FBXL2: variants seen among roughly 807,000 people sequenced by gnomAD.
FBXL2 encodes the protein F-box and leucine rich repeat protein 2, also known as F-box/LRR-repeat protein 2.
FBXL2 carries 38 observed loss-of-function variants against 69.2 expected under a neutral mutation model. The observed-to-expected ratio is 0.55, with a 90% CI of 0.42 to 0.72. The LOEUF (loss-of-function observed/expected upper bound fraction) is 0.72. Among genes scored for constraint, FBXL2 ranks in the 30% least tolerant of loss-of-function variants. FBXL2 has a pLI of 0.00. For missense variants in FBXL2, 354 were observed against 520.3 expected (o/e 0.68, Z 3.11); for synonymous variants, 192 against 201.3 (o/e 0.95, Z 0.39).
intron 4 of FBXL2, among the ~76,000 whole-genome samples, chr3:33,362,730 AT>A (rs2041712395): frequency 6.6e-6 from 1 of 152,162 alleles, no homozygotes; most frequent in South Asian, 2.1e-4. Flanking sequence ...ATTTAAAAAA[AT>A]GTTACTAACT....
chr3:33,284,383 C>G (rs761684864), intron 1 of FBXL2, among the ~76,000 whole-genome samples: 5 of 152,146 alleles, frequency 3.3e-5, no homozygotes, highest in Admixed American at 1.3e-4. Context: ...ATCCTGAGTT[C>G]TAGTTTGATT....
At chr3:33,396,189 T>G in intron 12 of FBXL2, 1 of 1,593,714 alleles carries the variant, frequency 6.3e-7, no homozygotes, top group African/African-American at 1.3e-5. Flanking sequence ...CCATTCTCGC[T>G]TGCACTGCTT....
chr3:33,337,652 G>A lies in FBXL2; in HGVS notation c.66-21315G>A, dbSNP rs114585796. On this transcript the variant is annotated intron_variant, in intron 2 of 14. Coordinates refer to ENST00000484457, the MANE Select transcript of FBXL2 (RefSeq NM_012157.5). ...AAAGAAAGAAAGAAAAGGGATCCAGGTAGGAAGAAAGGAAGTCAAACTATC... is the reference window on the plus strand; with the variant it reads ...AAAGAAAGAAAGAAAAGGGATCCAGATAGGAAGAAAGGAAGTCAAACTATC... 7.2e-3 allele frequency among the ~76,000 whole-genome samples: 1,090 copies of A among 152,280 alleles called. 5 individuals are homozygous for A. The highest frequency in any genetic ancestry group is 0.014 in the South Asian group (67 of 4,828).
chr3:33,278,294 C>T (rs1172236558), intron 1 of FBXL2: 2 of 152,118 alleles, frequency 1.3e-5, no homozygotes, highest in Non-Finnish European at 2.9e-5. Flanking sequence ...AATTGCCAAC[C>T]GAAGGCATAA....
intron 2 of FBXL2, among the ~76,000 whole-genome samples, chr3:33,326,535 G>A (rs1363947133): frequency 2.7e-5 from 4 of 150,314 alleles, no homozygotes; most frequent in East Asian, 1.9e-4. Context: ...AGAAAATACC[G>A]CATAGAATTC....
intron 2 of FBXL2, among the ~76,000 whole-genome samples, chr3:33,322,138 C>A (rs560902895): frequency 2.3e-5 from 3 of 133,174 alleles, no homozygotes; most frequent in Non-Finnish European, 4.6e-5. Context: ...AGTGCAGTGG[C>A]GCCATCTTGG....
downstream of FBXL2, chr3:33,390,635 G>A: frequency 1.9e-6 from 1 of 516,738 alleles, no homozygotes; most frequent in Non-Finnish European, 3.5e-6. Context: ...GGGGGTAGGG[G>A]GACATCTATC....
At chr3:33,373,541 G>C (rs2042433898) in intron 7 of FBXL2, 37 bp from the exon 8 acceptor site, 2 of 1,613,848 alleles carry the variant, frequency 1.2e-6, no homozygotes, top group African/African-American at 1.3e-5. Context: ...CTCTACAGGA[G>C]AGACTGCACA....
Position 33,328,360 on chromosome 3 carries a change from A to T in FBXL2, c.66-30607A>T, listed in dbSNP as rs1413318388. 2.6e-5 allele frequency among the ~76,000 whole-genome samples: 4 copies of T among 152,300 alleles called. No individual in the cohort carries two copies. The South Asian group carries it at 8.3e-4, about 32-fold the overall frequency. ...GAAATAGAAAAAAATCCTAACATTT[A>T]TATGGACCCACAAAAGACTCCAAAT... On this transcript the variant is annotated intron_variant, in intron 2 of 14. Transcript: ENST00000484457.
chr3:33,330,391 A>G (rs1259781254), intron 2 of FBXL2, among the ~76,000 whole-genome samples: 1 of 152,180 alleles, frequency 6.6e-6, no homozygotes. Context: ...ATTAATGGGT[A>G]CAAATATACA....
At chr3:33,328,418 G>A (rs2038877553) in intron 2 of FBXL2, among the ~76,000 whole-genome samples, 1 of 152,048 alleles carries the variant, frequency 6.6e-6, no homozygotes, top group African/African-American at 2.4e-5. Context: ...AAACAAAACT[G>A]GAGGCATTAC....
intron 1 of FBXL2, 88 bp from the exon 2 acceptor site, chr3:33,297,576 G>A (rs939842604): frequency 2.2e-5 from 17 of 756,550 alleles, no homozygotes; most frequent in African/African-American, 8.9e-5. Flanking sequence ...AATTGGGGCC[G>A]TTCTGATCTA....
At chr3:33,378,547 A>AG (rs1370412613) in intron 12 of FBXL2, 138 bp from the exon 13 acceptor site, 8 of 775,884 alleles carry the variant, frequency 1.0e-5, no homozygotes, top group Non-Finnish European at 1.6e-5. Context: ...TGGTGAAGAG[A>AG]GGAGCTCCCA....
intron 7 of FBXL2, 106 bp from the exon 8 acceptor site, chr3:33,373,472 G>C (rs2042428116): frequency 6.4e-7 from 1 of 1,558,368 alleles, no homozygotes; most frequent in East Asian, 2.2e-5. Flanking sequence ...GAGGTCCCAG[G>C]CATGGTCTCC....
chr3:33,284,770 T>A (rs576373687), intron 1 of FBXL2, among the ~76,000 whole-genome samples: 1 of 152,372 alleles, frequency 6.6e-6, no homozygotes, highest in East Asian at 1.9e-4. Context: ...TTAGCTCTTG[T>A]TGTTGAATTG....
intron 2 of FBXL2, chr3:33,317,560 G>A (rs926080850): frequency 4.4e-6 from 2 of 455,692 alleles, no homozygotes; most frequent in Non-Finnish European, 8.8e-6. Context: ...TTGTAGCAAT[G>A]ATGAGATTCT....
Position 33,384,178 on chromosome 3 carries a change from C to G in FBXL2, c.1141C>G (p.Arg381Gly). 1 of 1,614,084 alleles carries G rather than the reference C, an allele frequency of 6.2e-7. No individual in the cohort carries two copies. The change falls in exon 14 of 15, where the codon CGT becomes GGT. Residue 381 changes from arginine (R) to glycine (G), a missense_variant. By Grantham distance (125) the Arg-to-Gly change is moderately radical. Coordinates refer to ENST00000484457, the MANE Select transcript of FBXL2 (RefSeq NM_012157.5). ...LELYDCQQVT[R>G]AGIKRMRAQL... Reference sequence around the variant, plus strand: ...GCTGTACGACTGCCAGCAGGTTACCCGTGCAGGCATCAAGCGGATGCGGGT... The same window carrying G: ...GCTGTACGACTGCCAGCAGGTTACCGGTGCAGGCATCAAGCGGATGCGGGT...
chr3:33,346,286 G>T (rs1311235207), intron 2 of FBXL2, among the ~76,000 whole-genome samples: 1 of 152,054 alleles, frequency 6.6e-6, no homozygotes, highest in Non-Finnish European at 1.5e-5. Context: ...TAGGAAATTA[G>T]AGGAAACAGG....
the FBXL2 span, chr3:33,412,685 A>T: frequency 1.5e-6 from 2 of 1,291,690 alleles, no homozygotes; most frequent in Non-Finnish European, 2.3e-6. Flanking sequence ...GCTAAACAAT[A>T]CCCTCATCTC....
Sources: gnomAD v4.1 joint callset for allele counts (sites outside exome capture counted in the v4.1 genomes callset) on GRCh38, gnomAD v4.1.1 for gene constraint, MANE v1.5 for transcripts, NCBI Gene and HGNC (gene_info 2026-07-23, HGNC 2026-07-21) for gene names.